The following PARP8 variants were observed in gnomAD, a reference collection of about 807,000 sequenced individuals.
The protein encoded by PARP8 is protein mono-ADP-ribosyltransferase PARP8.
A neutral mutation model predicts 124.1 loss-of-function variants in PARP8; 51 were observed. The ratio of observed to expected loss-of-function variants is 0.41; its 90% confidence interval spans 0.33 to 0.52. The LOEUF is 0.52. Among genes scored for constraint, PARP8 ranks in the 20% least tolerant of loss-of-function variants. PARP8 has a pLI of 0.21. For synonymous variants in PARP8, 391 were observed against 361.5 expected (o/e 1.08, Z -0.93); for missense variants, 860 against 1,018.9 (o/e 0.84, Z 2.12).
Position 50,802,693 on chromosome 5 carries a change from A to C in PARP8, c.1575+5460A>C, listed in dbSNP as rs113919480. Among the ~76,000 whole-genome samples, 208 of 152,306 alleles carry C rather than the reference A, an allele frequency of 1.4e-3. 1 individual carries two copies. The highest frequency in any genetic ancestry group is 5.0e-3 in the African/African-American group (206 of 41,560). ...AGTGGAAGTACGTGTAATTGCTGTT[A>C]TATATAAATATGTAAGTTATATCTT... On this transcript the variant is annotated intron_variant, in intron 14 of 25. Transcript: ENST00000281631.
intron 2 of PARP8, among the ~76,000 whole-genome samples, chr5:50,713,657 A>G (rs1350051159): frequency 6.6e-6 from 1 of 152,040 alleles, no homozygotes; most frequent in Non-Finnish European, 1.5e-5. Flanking sequence ...TTGTGAACAT[A>G]TTACCTTATA....
At chr5:50,778,773 TAAAGA>T in intron 9 of PARP8, 123 bp downstream of exon 9, 1 of 487,624 alleles carries the variant, frequency 2.1e-6, no homozygotes, top group Non-Finnish European at 3.5e-6. Context: ...TAATGGTATT[TAAAGA>T]AGCTTGCAGT....
Position 50,795,292 on chromosome 5 carries a change from A to T in PARP8, c.1303A>T (p.Ser435Cys). Reference protein sequence around the residue: ...NHKLLSKSYSSAPKSSKTELF... With the variant: ...NHKLLSKSYSCAPKSSKTELF... Reference sequence around the variant, plus strand: ...CAAATTGCTCAGCAAGTCCTACTCCAGTGCCCCCAAGTCATCCAAAACTGA... The same window carrying T: ...CAAATTGCTCAGCAAGTCCTACTCCTGTGCCCCCAAGTCATCCAAAACTGA... The change falls in exon 12 of 26, where the codon AGT (serine) becomes TGT (cysteine). Residue 435 changes from serine to cysteine, a missense_variant. This residue lies in a region of PARP8 where 517 missense variants were observed against 544.2 expected (regional missense o/e 0.95). Transcript: ENST00000281631. The T allele has an allele frequency of 6.2e-7, 1 of 1,614,190 alleles. No homozygotes were observed. The highest frequency in any genetic ancestry group is 8.5e-7 in the Non-Finnish European group (1 of 1,180,012).
At chr5:50,782,941 T>C (rs903609619) in intron 9 of PARP8, among the ~76,000 whole-genome samples, 12 of 152,070 alleles carry the variant, frequency 7.9e-5, no homozygotes, top group African/African-American at 1.7e-4. Flanking sequence ...CTACAGTCCC[T>C]TGGGGCTGGA....
At chr5:50,729,219 T>C (rs1756735045) in intron 2 of PARP8, among the ~76,000 whole-genome samples, 1 of 152,180 alleles carries the variant, frequency 6.6e-6, no homozygotes, top group Non-Finnish European at 1.5e-5. Context: ...GAACTCTGGA[T>C]AACTAATCAA....
chr5:50,753,832 T>G (rs1759521398), intron 3 of PARP8, among the ~76,000 whole-genome samples: 2 of 151,862 alleles, frequency 1.3e-5, no homozygotes, highest in South Asian at 4.2e-4. Context: ...GTGCTGTATT[T>G]GGAGCAGAAT....
At chr5:50,773,793 T>C (rs145488539) in intron 7 of PARP8, among the ~76,000 whole-genome samples, 31 of 152,264 alleles carry the variant, frequency 2.0e-4, no homozygotes, top group African/African-American at 7.0e-4. Context: ...CAAGCAATTA[T>C]CTTTTCATTT....
intron 2 of PARP8, among the ~76,000 whole-genome samples, chr5:50,736,202 G>A (rs1392076965): frequency 6.6e-6 from 1 of 151,974 alleles, no homozygotes; most frequent in African/African-American, 2.4e-5. Context: ...CCATACAGAG[G>A]GTAATTTGTG....
chr5:50,806,473 G>T (rs2149674351), intron 14 of PARP8, among the ~76,000 whole-genome samples: 1 of 151,986 alleles, frequency 6.6e-6, no homozygotes. Context: ...ATCTATATCT[G>T]CAACAATAAA....
chr5:50,667,182 T>A lies in PARP8; in HGVS notation c.87T>A (p.Phe29Leu). Residue 29 changes from phenylalanine to leucine, a missense_variant, in exon 1 of 26, where the codon TTT (phenylalanine) becomes TTA (leucine). This residue lies in a region of PARP8 where 517 missense variants were observed against 544.2 expected (regional missense o/e 0.95). Transcript: ENST00000281631. ...QKSRAEKDCL[F>L]ADFRYSDSTF... ...CCAGAGCTGAGAAGGACTGCCTGTT[T>A]GCAGGTGAGTTCTTGCTTTTCCAGA... 1 of 1,596,372 alleles carries A rather than the reference T, an allele frequency of 6.3e-7. No homozygotes were observed. The highest frequency in any genetic ancestry group is 8.5e-7 in the Non-Finnish European group (1 of 1,179,732).
intron 14 of PARP8, among the ~76,000 whole-genome samples, chr5:50,803,528 TTCTTCC>T (rs1198926339): frequency 6.6e-6 from 1 of 152,164 alleles, no homozygotes; most frequent in African/African-American, 2.4e-5. Context: ...CATTTTATTA[TTCTTCC>T]TCTTCCTTAG....
intron 15 of PARP8, among the ~76,000 whole-genome samples, chr5:50,819,291 G>A (rs1265299277): frequency 1.3e-5 from 2 of 151,750 alleles, no homozygotes; most frequent in Non-Finnish European, 2.9e-5. Flanking sequence ...TAAAAATATT[G>A]GTCAAAAATG....
chr5:50,675,306 G>A (rs1181713888), intron 2 of PARP8, among the ~76,000 whole-genome samples: 1 of 152,116 alleles, frequency 6.6e-6, no homozygotes, highest in East Asian at 1.9e-4. Context: ...TTGTTTTATT[G>A]TTTATTTTAT....
At chr5:50,692,801 A>G (rs930732323) in intron 2 of PARP8, among the ~76,000 whole-genome samples, 2 of 151,934 alleles carry the variant, frequency 1.3e-5, no homozygotes, top group African/African-American at 4.8e-5. Context: ...GGCACTCTGT[A>G]CCTCCTTGGC....
At chr5:50,821,148 G>T in intron 15 of PARP8, 65 bp from the exon 16 acceptor site, 1 of 1,584,022 alleles carries the variant, frequency 6.3e-7, no homozygotes, top group East Asian at 2.2e-5. Context: ...TTGAGAGGGA[G>T]AAACAATGGC....
At chr5:50,828,439 A>C in intron 21 of PARP8, 55 bp downstream of exon 21, 2 of 1,482,434 alleles carry the variant, frequency 1.3e-6, no homozygotes, top group Non-Finnish European at 1.9e-6. Context: ...ATTGAGATTC[A>C]GTAAGCAACC....
intron 1 of PARP8, chr5:50,667,582 TGCTGCGCTGC>T (rs932487926): frequency 1.9e-5 from 13 of 698,768 alleles, no homozygotes; most frequent in Admixed American, 6.0e-5. Context: ...GAATGGAGCC[TGCTGCGCTGC>T]GCTGCGCTTG....
At chr5:50,832,717 G>T (rs369793034) in intron 22 of PARP8, 64 bp from the exon 23 acceptor site, 4 of 1,505,554 alleles carry the variant, frequency 2.7e-6, no homozygotes, top group Non-Finnish European at 3.7e-6. Flanking sequence ...ATAGTAGGTC[G>T]ATTGTACTTT....
At chr5:50,772,317 G>A (rs564651922) in intron 7 of PARP8, among the ~76,000 whole-genome samples, 1 of 152,156 alleles carries the variant, frequency 6.6e-6, no homozygotes, top group Admixed American at 6.5e-5. Context: ...ATACATGGGG[G>A]CACAGATATC....
Sources: allele counts gnomAD v4.1 joint callset (sites outside exome capture counted in the v4.1 genomes callset), GRCh38; gene constraint gnomAD v4.1.1; regional missense constraint gnomAD v4.1.1; transcripts MANE v1.5; gene names NCBI Gene and HGNC (gene_info 2026-07-23, HGNC 2026-07-21).